Variants in FBXO31 observed in about 807,000 individuals in gnomAD.
The protein encoded by FBXO31 is F-box protein 31, also known as F-box only protein 31.
Under a neutral mutation model 54.4 loss-of-function variants are expected in FBXO31, and 24 were observed. That is an observed-to-expected ratio of 0.44 (90% CI 0.32 to 0.62). The LOEUF is 0.62. Among genes scored for constraint, FBXO31 ranks in the 20% least tolerant of loss-of-function variants. The pLI is 0.05. For synonymous variants in FBXO31, 388 were observed against 335.6 expected (o/e 1.16, Z -1.71); for missense variants, 665 against 787.1 (o/e 0.84, Z 1.86).
At chr16:87,375,620 C>T (rs1906788827) in intron 1 of FBXO31, among the ~76,000 whole-genome samples, 1 of 152,230 alleles carries the variant, frequency 6.6e-6, no homozygotes, top group Non-Finnish European at 1.5e-5. Flanking sequence ...AGGCAGCCAG[C>T]TCCTGCCCCA....
Position 87,331,272 on chromosome 16 carries a change from G to A in FBXO31, c.*16C>T. The A allele has an allele frequency of 6.2e-7, 1 of 1,608,660 alleles. No homozygotes were observed. The highest frequency in any genetic ancestry group is 1.1e-5 in the South Asian group (1 of 90,926). Reference sequence around the variant, plus strand: ...CCCCAGAGCCACCCGGGATGTGGCGGCAAGGATGTGGCCGGTCAGGAGGTG... The same window carrying A: ...CCCCAGAGCCACCCGGGATGTGGCGACAAGGATGTGGCCGGTCAGGAGGTG... On this transcript the variant is annotated 3_prime_UTR_variant, in exon 9 of 9. Coordinates refer to ENST00000311635, the MANE Select transcript of FBXO31 (RefSeq NM_024735.5).
intron 1 of FBXO31, among the ~76,000 whole-genome samples, chr16:87,375,485 T>G (rs1170943611): frequency 6.6e-6 from 1 of 151,814 alleles, no homozygotes; most frequent in African/African-American, 2.4e-5. Flanking sequence ...AGCAAGACTC[T>G]GTCTCAAAAA....
In FBXO31 at chr16:87,328,983, T is replaced by C. The variant is rs1403080296; in HGVS notation, c.*2305A>G. ...TGCAGGAAATGGGCCACCTGCAGGATCCCCTGAGAGGGTGGATGCCCTCCC... is the reference window on the plus strand; with the variant it reads ...TGCAGGAAATGGGCCACCTGCAGGACCCCCTGAGAGGGTGGATGCCCTCCC... On this transcript the variant is annotated 3_prime_UTR_variant, in exon 9 of 9. Transcript: ENST00000311635. The C allele has an allele frequency of 3.9e-5, 6 of 152,214 alleles. No homozygotes were observed. The highest frequency in any genetic ancestry group is 8.8e-5 in the Non-Finnish European group (6 of 68,026). The allele number at this position is 152,214 out of a possible 1,614,324, so 9.4% of individuals were successfully genotyped here. A position where few individuals can be genotyped will look rare whatever the true frequency, so the allele number is the denominator to read the frequency against.
Position 87,335,486 on chromosome 16 carries a change from A to G in FBXO31, c.843-29T>C, listed in dbSNP as rs762038743. The G allele has an allele frequency of 1.9e-6, 3 of 1,574,608 alleles. No individual in the cohort carries two copies. Among genetic ancestry groups the G allele is most frequent in the Non-Finnish European group, 2.6e-6 (3 of 1,157,114 alleles). On this transcript the variant is annotated intron_variant, in intron 6 of 8. Transcript: ENST00000311635. This position sits in a 1 kb window ranked among gnomAD's most constrained non-coding sequence, Gnocchi z 5.7. Reference sequence around the variant, plus strand: ...TGGGGAGCGGACGGGTCAGTACAGGAGACCTCGTGGGGCAGGCAGGACTGA... The same window carrying G: ...TGGGGAGCGGACGGGTCAGTACAGGGGACCTCGTGGGGCAGGCAGGACTGA...
intron 5 of FBXO31, among the ~76,000 whole-genome samples, chr16:87,339,976 CAT>C (rs1183176587): frequency 6.6e-6 from 1 of 152,196 alleles, no homozygotes; most frequent in African/African-American, 2.4e-5. Context: ...TAAAATAAAA[CAT>C]AGCGATAAAA....
At position 87,327,598 on chromosome 16, in the gene FBXO31, G is replaced by A. The variant is rs1312682912; in HGVS notation, c.*3690C>T. The A allele has an allele frequency of 6.6e-6, 1 of 152,252 alleles. No homozygotes were observed. Among genetic ancestry groups the A allele is most frequent in the Non-Finnish European group, 1.5e-5 (1 of 68,072 alleles). 9.4% of individuals were successfully genotyped at this position (152,252 alleles called of 1,614,324 possible). A position where few individuals can be genotyped will look rare whatever the true frequency, so the allele number is the denominator to read the frequency against. ...TTGAGCCTAGTAGGTTGAGGCCTCA[G>A]GGAGCCATGATCGCCGCTCTGCACT... On this transcript the variant is annotated 3_prime_UTR_variant, in exon 9 of 9. Transcript: ENST00000311635.
chr16:87,384,020 A>C (rs113493096), upstream of FBXO31: 12,775 of 198,184 alleles, frequency 0.064, 1,626 homozygotes, highest in African/African-American at 0.27. Flanking sequence ...AAAACGTTAG[A>C]CTGCCCCGTG....
chr16:87,360,189 G>T, intron 2 of FBXO31, 106 bp downstream of exon 2: 1 of 1,094,294 alleles, frequency 9.1e-7, no homozygotes, highest in East Asian at 2.4e-5. Flanking sequence ...TGGTGTCTGA[G>T]AAAACAAAAG....
Position 87,383,383 on chromosome 16 carries a change from C to CCCCCCCCCCCCCCCCGCCCCCCCCCA in FBXO31, c.340+21_340+22insTGGGGGGGGGCGGGGGGGGGGGGGGG. The CCCCCCCCCCCCCCCCGCCCCCCCCCA allele has an allele frequency of 6.6e-7, 1 of 1,518,278 alleles. No homozygotes were observed. The highest frequency in any genetic ancestry group is 8.8e-7 in the Non-Finnish European group (1 of 1,131,244). 94.1% of individuals were successfully genotyped at this position (1,518,278 alleles called of 1,614,324 possible). On this transcript the variant is annotated intron_variant, in intron 1 of 8. Coordinates refer to ENST00000311635, the MANE Select transcript of FBXO31 (RefSeq NM_024735.5). This position sits in a 1 kb window ranked among gnomAD's most constrained non-coding sequence, Gnocchi z 4.9. ...GCAGGGACCCCCCGCCCCTCCCGGC[C>CCCCCCCCCCCCCCCCGCCCCCCCCCA]CCGCCACCCCCGCGCGCTCACCCTC...
chr16:87,356,283 C>T (rs930779557), intron 2 of FBXO31, among the ~76,000 whole-genome samples: 1 of 151,982 alleles, frequency 6.6e-6, no homozygotes, highest in Non-Finnish European at 1.5e-5. Context: ...ACATTCCTGT[C>T]AGCACCAAGG....
At chr16:87,376,569 C>A (rs556552661) in intron 1 of FBXO31, among the ~76,000 whole-genome samples, 12 of 152,298 alleles carry the variant, frequency 7.9e-5, no homozygotes, top group African/African-American at 2.9e-4. Flanking sequence ...GACACCACAC[C>A]TGGCCCCATT....
Position 87,334,297 on chromosome 16 carries a change from G to C in FBXO31, c.997-11C>G. 1.9e-6 allele frequency: 3 copies of C among 1,557,424 alleles called. No individual in the cohort carries two copies. The highest frequency in any genetic ancestry group is 1.2e-5 in the South Asian group (1 of 81,726). On this transcript the variant is annotated splice_polypyrimidine_tract_variant and intron_variant, in intron 7 of 8. Transcript: ENST00000311635. ...GATGTTGGGGTCGCCCTGTGGAGCAGGTGGCAGTCAGCAGGGCTCAGGCCA... is the reference window on the plus strand; with the variant it reads ...GATGTTGGGGTCGCCCTGTGGAGCACGTGGCAGTCAGCAGGGCTCAGGCCA...
At chr16:87,391,644 G>GACTGGGAGAGGGA (rs1186920047), upstream of FBXO31, 1 of 152,520 alleles carries the variant, frequency 6.6e-6, no homozygotes, top group Admixed American at 6.5e-5. Flanking sequence ...TGGGAGAGGG[G>GACTGGGAGAGGGA]ACTGCGCCCA....
At chr16:87,390,589 T>C (rs530939402), upstream of FBXO31, among the ~76,000 whole-genome samples, 158 of 151,514 alleles carry the variant, frequency 1.0e-3, 1 homozygote, top group Non-Finnish European at 2.0e-3. Context: ...TACAGGCGCC[T>C]GCCACCACAC....
chr16:87,346,568 C>T lies in FBXO31; in HGVS notation c.489+606G>A, dbSNP rs537467789. The stretch of plus-strand genomic sequence containing the variant: ...AAATGTCCTCACGGGTCCTCAGACC[C>T]CAACGGCAAGCAGGCTGCCGGGAGA... On this transcript the variant is annotated intron_variant, in intron 3 of 8. Coordinates refer to ENST00000311635, the MANE Select transcript of FBXO31 (RefSeq NM_024735.5). The surrounding 1 kb of genome is among the most constrained non-coding windows in gnomAD (Gnocchi z 4.2). 1.3e-5 allele frequency among the ~76,000 whole-genome samples: 2 copies of T among 152,300 alleles called. No individual in the cohort carries two copies. The highest frequency in any genetic ancestry group is 1.9e-4 in the East Asian group (1 of 5,182).
intron 1 of FBXO31, among the ~76,000 whole-genome samples, chr16:87,375,324 A>C (rs912881168): frequency 2.6e-5 from 4 of 151,700 alleles, no homozygotes; most frequent in African/African-American, 9.7e-5. Context: ...AAAAACAAAA[A>C]CAAAAAACAA....
chr16:87,383,047 G>T lies in FBXO31; in HGVS notation c.340+358C>A, dbSNP rs1475454601. The stretch of plus-strand genomic sequence containing the variant: ...GCCCCCAGGCGTCAGCTTAGGCCCC[G>T]CGCAGACCTCGAGGGATCCCAGCCC... On this transcript the variant is annotated intron_variant, in intron 1 of 8. Coordinates refer to ENST00000311635, the MANE Select transcript of FBXO31 (RefSeq NM_024735.5). The surrounding 1 kb of genome is among the most constrained non-coding windows in gnomAD (Gnocchi z 4.9). Among the ~76,000 whole-genome samples the T allele has an allele frequency of 6.6e-6, 1 of 152,096 alleles. No homozygotes were observed. The highest frequency in any genetic ancestry group is 2.4e-5 in the African/African-American group (1 of 41,426).
At position 87,331,486 on chromosome 16, in the gene FBXO31, C is replaced by G; in HGVS notation, c.1422G>C (p.Ala474=). 6.2e-7 allele frequency: 1 copy of G among 1,610,388 alleles called. No homozygotes were observed. Among genetic ancestry groups the G allele is most frequent in the Non-Finnish European group, 8.5e-7 (1 of 1,177,716 alleles). Residue 474 remains alanine (A), a synonymous_variant, in exon 9 of 9, where the codon GCG becomes GCC. Transcript: ENST00000311635. ...GTTCAGGGCTGGTGAAGCCGTGGCC[C>G]GCGATGAGGCCTGTGCCATAAAAAC... ...RMCFYGTGLI[A]GHGFTSPERT...
intron 1 of FBXO31, among the ~76,000 whole-genome samples, chr16:87,382,370 C>T (rs1488203389): frequency 6.6e-6 from 1 of 152,124 alleles, no homozygotes; most frequent in East Asian, 1.9e-4. Context: ...TACTTTGTTC[C>T]TTTTGCTGTT....
Sources: gnomAD v4.1 joint callset for allele counts (sites outside exome capture counted in the v4.1 genomes callset) on GRCh38, gnomAD v4.1.1 for gene constraint, Gnocchi (gnomAD v3.1) non-coding constraint, MANE v1.5 for transcripts, NCBI Gene and HGNC (gene_info 2026-07-23, HGNC 2026-07-21) for gene names.